STAT4: variants seen among roughly 807,000 people sequenced by gnomAD.
STAT4 encodes signal transducer and activator of transcription 4.
STAT4 carries 42 observed loss-of-function variants against 110.5 expected under a neutral mutation model. The ratio of observed to expected loss-of-function variants is 0.38; its 90% CI spans 0.30 to 0.49. STAT4 has a LOEUF of 0.49. Ranked by LOEUF, STAT4 falls within the 20% of genes least tolerant of loss-of-function variation. The pLI is 0.95. For synonymous variants in STAT4, 284 were observed against 302.2 expected, an observed-to-expected ratio of 0.94 and a Z score of 0.63; for missense variants, 632 against 887.9, an observed-to-expected ratio of 0.71 and a Z score of 3.66.
At chr2:191,132,755 CTTTT>C (rs56028616) in intron 3 of STAT4, among the ~76,000 whole-genome samples, 5 of 135,354 alleles carry the variant, frequency 3.7e-5, no homozygotes, top group Non-Finnish European at 4.8e-5. Context: ...TAATGGTTTT[CTTTT>C]TTTTTTTTTT....
chr2:191,067,830 A>G (rs13017460), intron 6 of STAT4, among the ~76,000 whole-genome samples: 69,165 of 152,002 alleles, frequency 0.46, 19,037 homozygotes, highest in Non-Finnish European at 0.61. Flanking sequence ...GTTCATACCA[A>G]CCATTCATGT....
intron 3 of STAT4, among the ~76,000 whole-genome samples, chr2:191,126,248 T>A (rs1290064769): frequency 2.0e-5 from 3 of 152,254 alleles, no homozygotes; most frequent in African/African-American, 7.2e-5. Context: ...AGGTAAAAAG[T>A]CTTGTGAGCT....
intron 3 of STAT4, among the ~76,000 whole-genome samples, chr2:191,123,964 C>T (rs1698807712): frequency 6.6e-6 from 1 of 152,224 alleles, no homozygotes; most frequent in Non-Finnish European, 1.5e-5. Flanking sequence ...CATCTGTACA[C>T]TTCTTTGCAA....
chr2:191,036,223 G>A lies in STAT4; in HGVS notation c.1511C>T (p.Ser504Leu), dbSNP rs1235014939. 9 of 1,614,054 alleles carry A rather than the reference G, an allele frequency of 5.6e-6. No individual in the cohort carries two copies. The highest frequency in any genetic ancestry group is 2.2e-5 in the East Asian group (1 of 44,900). Reference protein sequence around the residue: ...LLEVMSWQFSSYVGRGLNSDQ... With the variant: ...LLEVMSWQFSLYVGRGLNSDQ... ...TGAGTTAAGACCACGACCAACGTAC[G>A]ATGAAAACTGCCAGCTCATCACCTC... The change falls in exon 17 of 24, where the codon TCG becomes TTG. Residue 504 changes from serine to leucine, a missense_variant. By Grantham distance (145) the Ser-to-Leu change is moderately radical. This residue lies in a region of STAT4 where 488 missense variants were observed against 632.8 expected (regional missense o/e 0.77). Coordinates refer to ENST00000392320, the MANE Select transcript of STAT4 (RefSeq NM_003151.4).
chr2:191,084,691 C>G (rs1697585915), intron 3 of STAT4, among the ~76,000 whole-genome samples: 1 of 151,884 alleles, frequency 6.6e-6, no homozygotes, highest in African/African-American at 2.4e-5. Flanking sequence ...TAAAAAAATT[C>G]TATATGTGAG....
In STAT4 at chr2:191,138,951, C is replaced by T. The variant is rs913736086; in HGVS notation, c.273+7662G>A. 1.5e-4 allele frequency among the ~76,000 whole-genome samples: 23 copies of T among 151,938 alleles called. No individual in the cohort carries two copies. The highest frequency in any genetic ancestry group is 2.4e-4 in the African/African-American group (10 of 41,370). Reference sequence around the variant, plus strand: ...AGGAATACAGGGATAGTTTAACACACGCAAAGTCAATAAATATGATACATT... The same window carrying T: ...AGGAATACAGGGATAGTTTAACACATGCAAAGTCAATAAATATGATACATT... On this transcript the variant is annotated intron_variant, in intron 3 of 23. Coordinates refer to ENST00000392320, the MANE Select transcript of STAT4 (RefSeq NM_003151.4). The surrounding 1 kb of genome is among the most constrained non-coding windows in gnomAD (Gnocchi z 4.3).
chr2:191,137,745 G>A (rs1009785086), intron 3 of STAT4, among the ~76,000 whole-genome samples: 7 of 151,984 alleles, frequency 4.6e-5, no homozygotes, highest in Non-Finnish European at 1.0e-4. Context: ...TTTGACAAAG[G>A]TGCCAGGAAC....
rs776987023 is a variant in STAT4, at chr2:191,033,149, C to G, written c.1853G>C (p.Gly618Ala). ...TFTWVDHSES[G>A]EVRFHSVEPY... ...TTCTACAGAGTGGAATCTCACTTCCCCTTGAAAAACAGAAATTGGAGAAAT... is the reference window on the plus strand; with the variant it reads ...TTCTACAGAGTGGAATCTCACTTCCGCTTGAAAAACAGAAATTGGAGAAAT... Residue 618 changes from glycine (G) to alanine (A), a missense_variant and splice_region_variant, in exon 21 of 24, where the codon GGG becomes GCG. Physicochemically the swap from Gly to Ala is moderately conservative, Grantham distance 60. Coordinates refer to ENST00000392320, the MANE Select transcript of STAT4 (RefSeq NM_003151.4). This position sits in a 1 kb window ranked among gnomAD's most constrained non-coding sequence, Gnocchi z 6.9. 3.7e-6 allele frequency: 6 copies of G among 1,611,524 alleles called. No individual in the cohort carries two copies. In the South Asian group the frequency reaches 6.6e-5, roughly 18 times the overall value.
At chr2:191,049,428 G>A (rs374338497) in intron 14 of STAT4, among the ~76,000 whole-genome samples, 3 of 151,996 alleles carry the variant, frequency 2.0e-5, no homozygotes, top group Non-Finnish European at 1.5e-5. Context: ...TGCCCACCTC[G>A]GCCTCCCAAA....
At chr2:191,080,258 G>T (rs1697424184) in intron 3 of STAT4, among the ~76,000 whole-genome samples, 1 of 151,694 alleles carries the variant, frequency 6.6e-6, no homozygotes, top group African/African-American at 2.4e-5. Context: ...TTTCAACATA[G>T]ATATATATAT....
At position 191,091,512 on chromosome 2, in the gene STAT4, T is replaced by A. The variant is rs16833250; in HGVS notation, c.274-15187A>T. Among the ~76,000 whole-genome samples, 1,214 of 152,304 alleles carry A rather than the reference T, an allele frequency of 8.0e-3. 14 individuals are homozygous for A. Among genetic ancestry groups the A allele is most frequent in the Middle Eastern group, 0.041 (12 of 294 alleles). Reference sequence around the variant, plus strand: ...TATTAATTGTCTCAAAATGAGTATGTGTGTTTAATGCAATTAAAGTTAGAG... The same window carrying A: ...TATTAATTGTCTCAAAATGAGTATGAGTGTTTAATGCAATTAAAGTTAGAG... On this transcript the variant is annotated intron_variant, in intron 3 of 23. Coordinates refer to ENST00000392320, the MANE Select transcript of STAT4 (RefSeq NM_003151.4). The surrounding 1 kb of genome is among the most constrained non-coding windows in gnomAD (Gnocchi z 5.4).
At position 191,069,736 on chromosome 2, in the gene STAT4, C is replaced by T; in HGVS notation, c.501G>A (p.Leu167=). ...TATACCTGTAGTCAAATTCGTCTTG[C>T]AGATCTTCTAAGTATTTGGTATCTT... is the stretch of plus-strand genomic sequence containing the variant. ...TEQDTKYLED[L]QDEFDYRYKT... The change falls in exon 6 of 24, where the codon CTG becomes CTA. Residue 167 remains leucine, a synonymous_variant. Transcript: ENST00000392320. 1 of 1,609,434 alleles carries T rather than the reference C, an allele frequency of 6.2e-7. No individual in the cohort carries two copies. The highest frequency in any genetic ancestry group is 8.5e-7 in the Non-Finnish European group (1 of 1,178,372).
rs1040058786 is a variant in STAT4 at position 191,091,230 on chromosome 2, A to G, written c.274-14905T>C. On this transcript the variant is annotated intron_variant, in intron 3 of 23. Coordinates refer to ENST00000392320, the MANE Select transcript of STAT4 (RefSeq NM_003151.4). The surrounding 1 kb of genome is among the most constrained non-coding windows in gnomAD (Gnocchi z 5.4). ...TCTAGAAAAAAAGAGACTCATACAA[A>G]TTCTAGAATGAATACACAAGATGAC... 6.6e-6 allele frequency among the ~76,000 whole-genome samples: 1 copy of G among 152,194 alleles called. No individual in the cohort carries two copies. Among genetic ancestry groups the G allele is most frequent in the African/African-American group, 2.4e-5 (1 of 41,454 alleles).
intron 6 of STAT4, chr2:191,068,736 A>G (rs1428005275): frequency 6.6e-6 from 1 of 152,156 alleles, no homozygotes; most frequent in African/African-American, 2.4e-5. Context: ...TAAACATAGT[A>G]AGCACAATGA....
At chr2:191,075,190 G>A (rs1203867054) in intron 4 of STAT4, among the ~76,000 whole-genome samples, 1 of 152,046 alleles carries the variant, frequency 6.6e-6, no homozygotes, top group Non-Finnish European at 1.5e-5. Context: ...ACTTTTGTTG[G>A]ACCTTCAAAA....
At chr2:191,076,413 A>G (rs1306423120) in intron 3 of STAT4, 88 bp from the exon 4 acceptor site, 9 of 905,632 alleles carry the variant, frequency 9.9e-6, no homozygotes, top group African/African-American at 1.7e-5. Context: ...AAAAACAACA[A>G]CAATCTCCTA....
At position 191,039,463 on chromosome 2, in the gene STAT4, C is replaced by G. The variant is rs988984058; in HGVS notation, c.1336-166G>C. 2.6e-5 allele frequency among the ~76,000 whole-genome samples: 4 copies of G among 152,200 alleles called. No homozygotes were observed. Among genetic ancestry groups the G allele is most frequent in the African/African-American group, 9.6e-5 (4 of 41,452 alleles). ...GAAATGACTTGTGAAGGCCATGGAACTTTCTGAGCATGCATAAGTAAGGGC... is the reference window on the plus strand; with the variant it reads ...GAAATGACTTGTGAAGGCCATGGAAGTTTCTGAGCATGCATAAGTAAGGGC... On this transcript the variant is annotated intron_variant, in intron 15 of 23. Coordinates refer to ENST00000392320, the MANE Select transcript of STAT4 (RefSeq NM_003151.4). The surrounding 1 kb of genome is among the most constrained non-coding windows in gnomAD (Gnocchi z 4.7).
rs765795412 is a variant in STAT4 at position 191,050,660 on chromosome 2, TATAAA to T, written c.1251+3825_1251+3829del. Among the ~76,000 whole-genome samples the T allele has an allele frequency of 3.9e-5, 6 of 152,010 alleles. No homozygotes were observed. Among genetic ancestry groups the T allele is most frequent in the Non-Finnish European group, 8.8e-5 (6 of 68,002 alleles). On this transcript the variant is annotated intron_variant, in intron 14 of 23. Coordinates refer to ENST00000392320, the MANE Select transcript of STAT4 (RefSeq NM_003151.4). The surrounding 1 kb of genome is among the most constrained non-coding windows in gnomAD (Gnocchi z 4.3). ...CCACCAGAGTTTCCATCTGTAAATA[TATAAA>T]ATAAAGCTGCCTTGATAGAAACAGG...
At chr2:191,057,075 G>T (rs1696717596) in intron 13 of STAT4, among the ~76,000 whole-genome samples, 1 of 152,184 alleles carries the variant, frequency 6.6e-6, no homozygotes, top group South Asian at 2.1e-4. Flanking sequence ...GAGCCACCGT[G>T]CCCGGCCCCT....
Sources: allele counts gnomAD v4.1 joint callset (sites outside exome capture counted in the v4.1 genomes callset), GRCh38; gene constraint gnomAD v4.1.1; regional missense constraint gnomAD v4.1.1; non-coding constraint Gnocchi (gnomAD v3.1); transcripts MANE v1.5; gene names NCBI Gene and HGNC (gene_info 2026-07-23, HGNC 2026-07-21).